CSGALNACT1: variants seen among roughly 807,000 people sequenced by gnomAD.
CSGALNACT1 encodes chondroitin sulfate N-acetylgalactosaminyltransferase 1, also known as beta4GalNAcT-1.
A neutral mutation model predicts 51.0 loss-of-function variants in CSGALNACT1; 52 were observed. The ratio of observed to expected loss-of-function variants is 1.02; its 90% confidence interval spans 0.82 to 1.29. The LOEUF is 1.29. Ranked by LOEUF, CSGALNACT1 falls within the 50% of genes most tolerant of loss-of-function variation. CSGALNACT1 has a pLI of 0.00. For missense variants in CSGALNACT1, 935 were observed against 679.2 expected (o/e 1.38, Z -4.19); for synonymous variants, 341 against 254.4 (o/e 1.34, Z -3.24).
At chr8:19,500,233 T>C (rs931451353) in intron 4 of CSGALNACT1, among the ~76,000 whole-genome samples, 2 of 152,078 alleles carry the variant, frequency 1.3e-5, no homozygotes, top group African/African-American at 4.8e-5. Flanking sequence ...CACCCTTGCT[T>C]CCCTGGGGAT....
At chr8:19,509,492 G>A (rs1203983209) in intron 3 of CSGALNACT1, among the ~76,000 whole-genome samples, 1 of 151,808 alleles carries the variant, frequency 6.6e-6, no homozygotes, top group Non-Finnish European at 1.5e-5. Flanking sequence ...CGTGGTGCGT[G>A]CAGCCTGTAA....
chr8:19,718,954 C>T (rs991739252), intron 1 of CSGALNACT1, among the ~76,000 whole-genome samples: 10 of 152,208 alleles, frequency 6.6e-5, no homozygotes, highest in African/African-American at 2.4e-4. Flanking sequence ...CAAGATCTCT[C>T]ACCGTTGTAA....
chr8:19,659,968 T>G lies in CSGALNACT1; in HGVS notation c.-544+22505A>C, dbSNP rs541623995. On this transcript the variant is annotated intron_variant, in intron 1 of 9. Transcript: ENST00000332246. ...TTATTATATGCTAGACTCTAGCCGC[T>G]TTCTTTGTAGTAGTTCATTTACTAC... Among the ~76,000 whole-genome samples, 5 of 152,376 alleles carry G rather than the reference T, an allele frequency of 3.3e-5. No individual in the cohort carries two copies. In the South Asian group the frequency reaches 8.3e-4, roughly 25 times the overall value.
chr8:19,612,657 C>A (rs2052428226), intron 1 of CSGALNACT1, among the ~76,000 whole-genome samples: 1 of 152,046 alleles, frequency 6.6e-6, no homozygotes, highest in African/African-American at 2.4e-5. Flanking sequence ...CCCAGAAGCT[C>A]ATTCCATTCT....
chr8:19,636,643 A>G (rs2056103671), intron 1 of CSGALNACT1, among the ~76,000 whole-genome samples: 1 of 152,206 alleles, frequency 6.6e-6, no homozygotes, highest in Non-Finnish European at 1.5e-5. Flanking sequence ...CACACCAGTA[A>G]AACTACCCTG....
At chr8:19,480,631 A>T (rs558661474) in intron 4 of CSGALNACT1, among the ~76,000 whole-genome samples, 31 of 152,158 alleles carry the variant, frequency 2.0e-4, no homozygotes, top group Non-Finnish European at 4.1e-4. Context: ...GAGTATTTTA[A>T]ACAAACCTAG....
intron 5 of CSGALNACT1, among the ~76,000 whole-genome samples, chr8:19,454,362 C>A (rs2063708253): frequency 6.6e-6 from 1 of 152,166 alleles, no homozygotes; most frequent in East Asian, 1.9e-4. Context: ...AAGGTTGTAA[C>A]CCTGTCAAGG....
At chr8:19,612,926 GAA>G (rs1372138508) in intron 1 of CSGALNACT1, among the ~76,000 whole-genome samples, 1 of 46,478 alleles carries the variant, frequency 2.2e-5, no homozygotes, top group Admixed American at 3.6e-4. Context: ...TATCACAAAA[GAA>G]GAGAGGAAAA....
At chr8:19,658,793 A>G (rs868729472) in intron 1 of CSGALNACT1, among the ~76,000 whole-genome samples, 3 of 152,168 alleles carry the variant, frequency 2.0e-5, no homozygotes, top group Admixed American at 1.3e-4. Context: ...ATGCTTCTCC[A>G]TATTTTCATT....
At chr8:19,558,725 A>G (rs1040076187) in intron 3 of CSGALNACT1, among the ~76,000 whole-genome samples, 5 of 152,176 alleles carry the variant, frequency 3.3e-5, no homozygotes, top group Non-Finnish European at 7.4e-5. Flanking sequence ...CCAAGAGAGA[A>G]AAATTCTTTT....
intron 1 of CSGALNACT1, among the ~76,000 whole-genome samples, chr8:19,741,559 T>TC (rs2064316846): frequency 3.7e-5 from 2 of 53,828 alleles, no homozygotes; most frequent in African/African-American, 1.9e-4. Flanking sequence ...TGAGACTCCA[T>TC]CAAAAAAAAA....
At chr8:19,736,981 T>G (rs1037765374) in intron 1 of CSGALNACT1, among the ~76,000 whole-genome samples, 3 of 147,764 alleles carry the variant, frequency 2.0e-5, no homozygotes, top group Non-Finnish European at 4.5e-5. Context: ...AAGGAGAGAG[T>G]AGAGATAGGA....
At chr8:19,420,311 C>T (rs776183517) in intron 7 of CSGALNACT1, 29 bp downstream of exon 6, 5 of 1,612,752 alleles carry the variant, frequency 3.1e-6, no homozygotes, top group Non-Finnish European at 4.2e-6. Context: ...CTGGGGGCCA[C>T]CTGAGCGTGA....
At chr8:19,665,171 G>A (rs2059088437) in intron 1 of CSGALNACT1, among the ~76,000 whole-genome samples, 1 of 152,130 alleles carries the variant, frequency 6.6e-6, no homozygotes, top group Non-Finnish European at 1.5e-5. Context: ...GTGCCACCAC[G>A]CTTGGCTAAT....
At chr8:19,616,009 A>C (rs988712794) in intron 1 of CSGALNACT1, among the ~76,000 whole-genome samples, 8 of 152,200 alleles carry the variant, frequency 5.3e-5, no homozygotes, top group African/African-American at 1.7e-4. Flanking sequence ...TAAGAAGACA[A>C]TAGGAAAATT....
chr8:19,446,780 C>A (rs2062194101), intron 5 of CSGALNACT1, among the ~76,000 whole-genome samples: 1 of 152,176 alleles, frequency 6.6e-6, no homozygotes, highest in Non-Finnish European at 1.5e-5. Flanking sequence ...TCCCAAAGTG[C>A]TGGGATTAAA....
At chr8:19,535,360 T>C (rs1403382253) in intron 3 of CSGALNACT1, among the ~76,000 whole-genome samples, 6 of 152,184 alleles carry the variant, frequency 3.9e-5, no homozygotes, top group African/African-American at 7.2e-5. Context: ...TCAAGATAAC[T>C]TAGCCATTAA....
chr8:19,688,292 A>G (rs1051441760), intron 1 of CSGALNACT1, among the ~76,000 whole-genome samples: 8 of 152,170 alleles, frequency 5.3e-5, no homozygotes, highest in Non-Finnish European at 8.8e-5. Flanking sequence ...ATTCATACCT[A>G]TAGGGACGTC....
At chr8:19,637,383 T>A (rs988090205) in intron 1 of CSGALNACT1, among the ~76,000 whole-genome samples, 1 of 152,228 alleles carries the variant, frequency 6.6e-6, no homozygotes, top group Non-Finnish European at 1.5e-5. Context: ...ATTTACCATA[T>A]GCACTTGGGA....
Sources: allele counts gnomAD v4.1 joint callset (sites outside exome capture counted in the v4.1 genomes callset), GRCh38; gene constraint gnomAD v4.1.1; transcripts MANE v1.5; gene names NCBI Gene and HGNC (gene_info 2026-07-23, HGNC 2026-07-21).